Variants in CTBP2 observed in about 807,000 individuals in gnomAD.
The protein encoded by CTBP2 is C-terminal binding protein 2.
In CTBP2, 30 loss-of-function variants were observed where a neutral mutation model predicts 80.3. That is an observed-to-expected ratio of 0.37 (90% CI 0.28 to 0.51). CTBP2 has a LOEUF of 0.51. Among genes scored for constraint, CTBP2 ranks in the 20% least tolerant of loss-of-function variants. The pLI is 0.93. For synonymous variants in CTBP2, 594 were observed against 587.4 expected (o/e 1.01, Z -0.16); for missense variants, 1,212 against 1,375.3 (o/e 0.88, Z 1.88).
chr10:125,143,624 A>G (rs1858230242), intron 1 of CTBP2, among the ~76,000 whole-genome samples: 1 of 152,070 alleles, frequency 6.6e-6, no homozygotes. Context: ...TAGTTTCCCC[A>G]GTAATGCATA....
intron 1 of CTBP2, among the ~76,000 whole-genome samples, chr10:125,148,383 G>A (rs1476026677): frequency 6.6e-6 from 1 of 152,196 alleles, no homozygotes; most frequent in East Asian, 1.9e-4. Flanking sequence ...TCCATGTGCT[G>A]CTGCAGCCCC....
chr10:125,098,365 C>T (rs1849878095), intron 2 of CTBP2, among the ~76,000 whole-genome samples: 1 of 152,094 alleles, frequency 6.6e-6, no homozygotes. Flanking sequence ...CAATGACACC[C>T]ACATACACTA....
intron 8 of CTBP2, 126 bp from the exon 11 acceptor site, chr10:124,989,824 C>T (rs1036964569): frequency 5.5e-6 from 5 of 901,236 alleles, no homozygotes; most frequent in South Asian, 2.2e-5. Context: ...TCACCTTGAC[C>T]GACCTTCTGG....
At chr10:125,094,488 C>T (rs1260474464) in intron 2 of CTBP2, among the ~76,000 whole-genome samples, 1 of 152,224 alleles carries the variant, frequency 6.6e-6, no homozygotes, top group Non-Finnish European at 1.5e-5. Context: ...GGACGCTCCA[C>T]CTCTGACAAC....
chr10:125,050,093 G>A (rs1370183189), intron 2 of CTBP2, among the ~76,000 whole-genome samples: 2 of 152,208 alleles, frequency 1.3e-5, no homozygotes, highest in African/African-American at 2.4e-5. Context: ...GCATCCAGGA[G>A]AGCCAACTCA....
chr10:125,140,414 T>C (rs74751161), intron 1 of CTBP2, among the ~76,000 whole-genome samples: 3,002 of 151,970 alleles, frequency 0.02, 89 homozygotes, highest in African/African-American at 0.067. Context: ...GGACAAAGAA[T>C]GAGCTCCGAA....
chr10:125,098,256 G>A (rs1170714506), intron 2 of CTBP2, among the ~76,000 whole-genome samples: 1 of 152,100 alleles, frequency 6.6e-6, no homozygotes, highest in Non-Finnish European at 1.5e-5. Flanking sequence ...TCAGTCCACA[G>A]GTGTGTGGAC....
At position 125,005,849 on chromosome 10, in the gene CTBP2, C is replaced by G. The variant is rs959423374; in HGVS notation, c.1679-2357G>C. 4.4e-6 allele frequency: 7 copies of G among 1,580,376 alleles called. No homozygotes were observed. In the African/African-American group the frequency reaches 9.5e-5, roughly 21 times the overall value. ...CCACACACAGTGAGGAACACCCCAA[C>G]TTCACTTTCAGGGGTGCTGGCAGGA... is the stretch of plus-strand genomic sequence containing the variant. On this transcript the variant is annotated intron_variant, in intron 1 of 8. Transcript: ENST00000309035.
upstream of CTBP2, among the ~76,000 whole-genome samples, chr10:125,162,137 G>A (rs949149487): frequency 6.6e-6 from 1 of 152,228 alleles, no homozygotes; most frequent in African/African-American, 2.4e-5. Context: ...TGAGCCCTTA[G>A]GATCGATTTG....
At chr10:125,034,518 T>G (rs1287466734) in intron 3 of CTBP2, among the ~76,000 whole-genome samples, 1 of 152,254 alleles carries the variant, frequency 6.6e-6, no homozygotes, top group Non-Finnish European at 1.5e-5. Flanking sequence ...GCTGGAAATG[T>G]GCATAATTGC....
intron 1 of CTBP2, among the ~76,000 whole-genome samples, chr10:125,154,435 C>A (rs1015560308): frequency 3.3e-5 from 5 of 152,222 alleles, no homozygotes; most frequent in African/African-American, 4.8e-5. Flanking sequence ...ACAAAAGTCA[C>A]AATTCTCTAT....
At chr10:124,996,494 G>A (rs1377579696) in intron 4 of CTBP2, 2 of 153,022 alleles carry the variant, frequency 1.3e-5, no homozygotes, top group Admixed American at 1.3e-4. Flanking sequence ...GGTGGCGGCA[G>A]GGGTTAGTGT....
At chr10:125,038,320 G>C (rs1042033681) in intron 3 of CTBP2, among the ~76,000 whole-genome samples, 1 of 151,886 alleles carries the variant, frequency 6.6e-6, no homozygotes, top group African/African-American at 2.4e-5. Flanking sequence ...CACCCTGTAG[G>C]GCAGTACCAG....
chr10:125,120,066 A>C (rs1468282594), intron 1 of CTBP2, among the ~76,000 whole-genome samples: 1 of 152,244 alleles, frequency 6.6e-6, no homozygotes, highest in Non-Finnish European at 1.5e-5. Context: ...CAGATGTCTC[A>C]ATTCCAATAG....
In CTBP2 at chr10:124,992,685, C is replaced by T. The variant is rs771120202; in HGVS notation, c.2777+10G>A. The T allele has an allele frequency of 2.2e-5, 35 of 1,593,054 alleles. No homozygotes were observed. Among genetic ancestry groups the T allele is most frequent in the Non-Finnish European group, 3.0e-5 (35 of 1,168,144 alleles). On this transcript the variant is annotated intron_variant, in intron 8 of 8. Coordinates refer to ENST00000309035, the MANE Select transcript of CTBP2 (RefSeq NM_022802.3). ...TCACAAGCTGAGACAAAGTCAGTTC[C>T]TTTTCTCACCTGTATGTGGCACCAT... is the stretch of plus-strand genomic sequence containing the variant.
chr10:125,106,560 G>A (rs755754424), intron 2 of CTBP2, among the ~76,000 whole-genome samples: 6 of 152,150 alleles, frequency 3.9e-5, no homozygotes, highest in African/African-American at 9.7e-5. Flanking sequence ...AAAGAGAAGC[G>A]GACACCACGC....
chr10:125,098,736 G>GAGAGAGAGAC lies in CTBP2; in HGVS notation c.-102+12253_-102+12254insGTCTCTCTCT, dbSNP rs1850085144. ...AGAGAGAGAGAGACAGAGAGAGAGAGAGAGAGAGAGAGACAGAGAGAGAGA... is the reference window on the plus strand; with the variant it reads ...AGAGAGAGAGAGACAGAGAGAGAGAGAGAGAGAGACAGAGAGAGAGAGACAGAGAGAGAGA... On this transcript the variant is annotated intron_variant, in intron 2 of 10. Coordinates refer to the CTBP2 transcript ENST00000337195. 4.1e-5 allele frequency among the ~76,000 whole-genome samples: 5 copies of GAGAGAGAGAC among 122,640 alleles called. No individual in the cohort carries two copies. The East Asian group carries it at 9.3e-4, about 23-fold the overall frequency. 80.5% of individuals were successfully genotyped at this position (122,640 alleles called of 152,430 possible).
intron 2 of CTBP2, among the ~76,000 whole-genome samples, chr10:125,059,455 G>A (rs549593429): frequency 2.6e-5 from 4 of 152,184 alleles, no homozygotes; most frequent in South Asian, 4.1e-4. Context: ...GGTGGTGCAC[G>A]CCTGTAATCC....
intron 1 of CTBP2, among the ~76,000 whole-genome samples, chr10:125,151,421 A>G (rs1198684739): frequency 6.6e-6 from 1 of 152,120 alleles, no homozygotes; most frequent in Non-Finnish European, 1.5e-5. Flanking sequence ...GCTGTTTCCC[A>G]CAGCAACTGC....
Sources: allele counts gnomAD v4.1 joint callset (sites outside exome capture counted in the v4.1 genomes callset), GRCh38; gene constraint gnomAD v4.1.1; transcripts MANE v1.5; gene names NCBI Gene and HGNC (gene_info 2026-07-23, HGNC 2026-07-21).